STK39: variants seen among roughly 807,000 people sequenced by gnomAD.
STK39 encodes the protein serine/threonine kinase 39, also known as STE20/SPS1-related proline-alanine-rich protein kinase.
In STK39, 20 loss-of-function variants were observed where a neutral mutation model predicts 77.8. The ratio of observed to expected loss-of-function variants is 0.26; its 90% CI spans 0.18 to 0.37. The LOEUF (loss-of-function observed/expected upper bound fraction) is 0.37. Ranked by LOEUF, STK39 falls within the 10% of genes least tolerant of loss-of-function variation. The pLI, the probability that STK39 is intolerant of heterozygous loss-of-function variation, is 1.00. For missense variants in STK39, 479 were observed against 656.5 expected (o/e 0.73, Z 2.95); for synonymous variants, 246 against 234.1 (o/e 1.05, Z -0.47).
chr2:168,059,587 A>G (rs1295050945), intron 14 of STK39, among the ~76,000 whole-genome samples: 1 of 152,104 alleles, frequency 6.6e-6, no homozygotes, highest in African/African-American at 2.4e-5. Context: ...GCAGCCTAAA[A>G]AGGCTTGGGA....
intron 12 of STK39, among the ~76,000 whole-genome samples, chr2:168,067,042 C>T (rs1269472651): frequency 2.0e-5 from 3 of 152,066 alleles, no homozygotes; most frequent in Non-Finnish European, 4.4e-5. Flanking sequence ...GGCAACATGG[C>T]GAAACTCCAT....
At chr2:168,024,265 A>G (rs1684642850) in intron 14 of STK39, among the ~76,000 whole-genome samples, 1 of 152,212 alleles carries the variant, frequency 6.6e-6, no homozygotes, top group Non-Finnish European at 1.5e-5. Flanking sequence ...TGACCCATGC[A>G]GATGGGGATC....
intron 10 of STK39, 85 bp downstream of exon 10, chr2:168,129,456 G>A: frequency 6.8e-7 from 1 of 1,460,198 alleles, no homozygotes. Context: ...TCCTGCATAT[G>A]TGGAAATCTT....
chr2:167,962,052 G>C (rs1011861440), intron 17 of STK39, among the ~76,000 whole-genome samples: 1 of 152,146 alleles, frequency 6.6e-6, no homozygotes, highest in African/African-American at 2.4e-5. Flanking sequence ...GTGCTCCCCT[G>C]AGTGAAACCA....
rs138857195 is a variant in STK39, at chr2:168,240,100, G to A, written c.208+7128C>T. On this transcript the variant is annotated intron_variant, in intron 1 of 17. Transcript: ENST00000355999. The stretch of plus-strand genomic sequence containing the variant: ...TACATAGATGAAAAATGGAAGGGAA[G>A]GGTCTTGGAATGGTGTTCCAAGCAG... Among the ~76,000 whole-genome samples, 789 of 152,314 alleles carry A rather than the reference G, an allele frequency of 5.2e-3. 1 individual carries two copies. Among genetic ancestry groups the A allele is most frequent in the Non-Finnish European group, 8.0e-3 (546 of 68,024 alleles).
At chr2:168,122,316 TA>T (rs1280354266) in intron 10 of STK39, among the ~76,000 whole-genome samples, 2 of 152,168 alleles carry the variant, frequency 1.3e-5, no homozygotes, top group Non-Finnish European at 2.9e-5. Flanking sequence ...CTAGTTTGCT[TA>T]GGATAATGGT....
At chr2:168,085,101 G>A (rs1686331395) in intron 10 of STK39, among the ~76,000 whole-genome samples, 1 of 152,106 alleles carries the variant, frequency 6.6e-6, no homozygotes, top group Non-Finnish European at 1.5e-5. Flanking sequence ...TTTTGATATC[G>A]TACTACAAAA....
intron 14 of STK39, among the ~76,000 whole-genome samples, chr2:168,021,171 T>C (rs947978957): frequency 4.6e-5 from 7 of 152,186 alleles, no homozygotes; most frequent in Non-Finnish European, 8.8e-5. Flanking sequence ...AGTAAGGTCA[T>C]GAGAAGAGAG....
chr2:168,191,040 T>C (rs1276356385), intron 1 of STK39, among the ~76,000 whole-genome samples: 1 of 152,210 alleles, frequency 6.6e-6, no homozygotes, highest in African/African-American at 2.4e-5. Context: ...TGGTGGCTTC[T>C]GATTCCTTAC....
At chr2:168,188,890 C>T (rs774134521) in intron 1 of STK39, among the ~76,000 whole-genome samples, 13 of 152,140 alleles carry the variant, frequency 8.5e-5, no homozygotes, top group Non-Finnish European at 1.0e-4. Flanking sequence ...GTCTGGATAA[C>T]AGTGCACAAA....
At chr2:168,075,073 T>C (rs772429549) in intron 11 of STK39, 36 bp downstream of exon 11, 2 of 1,614,022 alleles carry the variant, frequency 1.2e-6, no homozygotes, top group Non-Finnish European at 8.5e-7. Context: ...AAATAAAATT[T>C]ACACAGATTA....
chr2:168,182,336 C>CTACA (rs954417167), intron 1 of STK39, among the ~76,000 whole-genome samples: 19 of 152,092 alleles, frequency 1.2e-4, no homozygotes, highest in Non-Finnish European at 2.2e-4. Flanking sequence ...ACATGAGCAT[C>CTACA]TACATACAAC....
At chr2:168,116,821 T>C (rs1687272164) in intron 10 of STK39, among the ~76,000 whole-genome samples, 1 of 152,246 alleles carries the variant, frequency 6.6e-6, no homozygotes, top group Non-Finnish European at 1.5e-5. Flanking sequence ...TTACTCATTT[T>C]AAAGACTTGC....
At chr2:168,084,656 C>T (rs1012423338) in intron 10 of STK39, among the ~76,000 whole-genome samples, 2 of 152,210 alleles carry the variant, frequency 1.3e-5, no homozygotes, top group African/African-American at 4.8e-5. Context: ...GATTTCCAGG[C>T]AGCCACTTAA....
intron 8 of STK39, among the ~76,000 whole-genome samples, chr2:168,130,898 T>C (rs1687678825): frequency 6.6e-6 from 1 of 152,196 alleles, no homozygotes; most frequent in East Asian, 1.9e-4. Context: ...GGAACTGTTC[T>C]AGACTCAACA....
At chr2:168,050,920 G>C (rs930659543) in intron 14 of STK39, among the ~76,000 whole-genome samples, 3 of 152,148 alleles carry the variant, frequency 2.0e-5, no homozygotes, top group African/African-American at 7.2e-5. Flanking sequence ...GGAGAATAAA[G>C]TTTTCTAGCA....
chr2:167,995,097 A>T (rs1683799525), intron 16 of STK39, among the ~76,000 whole-genome samples: 1 of 127,854 alleles, frequency 7.8e-6, no homozygotes, highest in Non-Finnish European at 1.8e-5. Context: ...TATTATATAT[A>T]TATTTTTCTT....
chr2:168,101,855 T>C (rs1245404501), intron 10 of STK39, among the ~76,000 whole-genome samples: 1 of 152,206 alleles, frequency 6.6e-6, no homozygotes, highest in Non-Finnish European at 1.5e-5. Flanking sequence ...ATTCACAGAA[T>C]TGTGCAACCA....
In STK39 at chr2:168,247,466, C is replaced by A; in HGVS notation, c.-31G>T. 7.7e-7 allele frequency: 1 copy of A among 1,303,548 alleles called. No homozygotes were observed. The highest frequency in any genetic ancestry group is 9.9e-7 in the Non-Finnish European group (1 of 1,011,532). 80.7% of individuals were successfully genotyped at this position (1,303,548 alleles called of 1,614,324 possible). On this transcript the variant is annotated 5_prime_UTR_variant, in exon 1 of 18. Transcript: ENST00000355999. ...TGCGGAGGAGAGCAGGAGGACGCGC[C>A]GGCCGACGGACGACCTTCCACTTGA...
Sources: gnomAD v4.1 joint callset for allele counts (sites outside exome capture counted in the v4.1 genomes callset) on GRCh38, gnomAD v4.1.1 for gene constraint, MANE v1.5 for transcripts, NCBI Gene and HGNC (gene_info 2026-07-23, HGNC 2026-07-21) for gene names.